Variants in FBLN5 observed in about 807,000 individuals in gnomAD.
FBLN5 encodes the protein fibulin 5, also known as fibulin-5.
A neutral mutation model predicts 61.6 loss-of-function variants in FBLN5; 24 were observed. That is an observed-to-expected ratio of 0.39 (90% CI 0.28 to 0.55). The LOEUF is 0.55. Among genes scored for constraint, FBLN5 ranks in the 20% least tolerant of loss-of-function variants. FBLN5 has a pLI of 0.65. For synonymous variants in FBLN5, 213 were observed against 219.8 expected (o/e 0.97, Z 0.27); for missense variants, 470 against 594.1 (o/e 0.79, Z 2.17).
Position 91,882,972 on chromosome 14 carries a change from C to T in FBLN5, c.844G>A (p.Asp282Asn). 3 of 1,614,040 alleles carry T rather than the reference C, an allele frequency of 1.9e-6. No individual in the cohort carries two copies. Among genetic ancestry groups the T allele is most frequent in the Non-Finnish European group, 2.5e-6 (3 of 1,179,936 alleles). ...GCCTTACCTTGGCAGCTTCGGTTGT[C>T]ATCCAGCAGGATGTAGCCTGGAGGG... ...SCPPGYILLD[D>N]NRSCQDINEC... Residue 282 changes from aspartate to asparagine, a missense_variant, in exon 8 of 11, where the codon GAC becomes AAC. Coordinates refer to ENST00000342058, the MANE Select transcript of FBLN5 (RefSeq NM_006329.4). This position sits in a 1 kb window ranked among gnomAD's most constrained non-coding sequence, Gnocchi z 4.9.
chr14:91,890,037 G>A (rs1359570489), intron 6 of FBLN5, among the ~76,000 whole-genome samples: 2 of 152,130 alleles, frequency 1.3e-5, no homozygotes, highest in East Asian at 1.9e-4. Flanking sequence ...GGAGCCAGGC[G>A]CCCCCTCCTG....
chr14:91,872,619 C>T (rs987462837), intron 10 of FBLN5, among the ~76,000 whole-genome samples: 7 of 152,308 alleles, frequency 4.6e-5, no homozygotes, highest in East Asian at 1.9e-4. Context: ...GCAGGCCAGG[C>T]GCTGGGACCT....
intron 4 of FBLN5, among the ~76,000 whole-genome samples, chr14:91,925,014 T>A (rs547848427): frequency 6.6e-6 from 1 of 152,230 alleles, no homozygotes; most frequent in Non-Finnish European, 1.5e-5. Context: ...CCTCCTCCCA[T>A]GGAAACTGTT....
intron 4 of FBLN5, among the ~76,000 whole-genome samples, chr14:91,911,578 G>T (rs559336654): frequency 6.6e-6 from 1 of 152,328 alleles, no homozygotes; most frequent in South Asian, 2.1e-4. Flanking sequence ...CTGAAAGTCA[G>T]GTTCTAGTCC....
intron 9 of FBLN5, among the ~76,000 whole-genome samples, chr14:91,878,372 A>T (rs758107461): frequency 1.5e-4 from 23 of 152,154 alleles, no homozygotes; most frequent in Non-Finnish European, 2.9e-4. Flanking sequence ...ATATAAAATC[A>T]CTGACTTTTA....
chr14:91,936,818 A>G, intron 4 of FBLN5, 129 bp downstream of exon 4: 1 of 1,108,780 alleles, frequency 9.0e-7, no homozygotes, highest in Admixed American at 1.7e-5. Context: ...ATAAGTATGC[A>G]GAGAGTAAGT....
At chr14:91,930,265 T>C (rs931001974) in intron 4 of FBLN5, among the ~76,000 whole-genome samples, 2 of 152,184 alleles carry the variant, frequency 1.3e-5, no homozygotes, top group Non-Finnish European at 2.9e-5. Context: ...CAGTTGGTAC[T>C]GTTATCCCTG....
chr14:91,873,641 C>T (rs1889039344), intron 10 of FBLN5: 1 of 152,322 alleles, frequency 6.6e-6, no homozygotes, highest in Admixed American at 6.5e-5. Context: ...CAGTGCCTGA[C>T]TTGAAGCCTC....
intron 7 of FBLN5, among the ~76,000 whole-genome samples, chr14:91,883,878 G>A (rs902639973): frequency 2.0e-5 from 3 of 152,156 alleles, no homozygotes; most frequent in South Asian, 2.1e-4. Flanking sequence ...GGGCTATGGC[G>A]GTTGATGCAG....
chr14:91,895,797 CAA>C (rs60216411), intron 4 of FBLN5, among the ~76,000 whole-genome samples: 63 of 63,478 alleles, frequency 9.9e-4, no homozygotes, highest in East Asian at 3.8e-3. Context: ...GACCCTGTCT[CAA>C]AAAAAAAAAA....
intron 5 of FBLN5, among the ~76,000 whole-genome samples, chr14:91,892,030 A>C (rs934491620): frequency 2.0e-5 from 3 of 152,174 alleles, no homozygotes; most frequent in Non-Finnish European, 4.4e-5. Context: ...CATCTCTTCC[A>C]AGCCACAGCT....
rs1405525729 is a variant in FBLN5, at chr14:91,873,461, C to G, written c.1186-3076G>C. On this transcript the variant is annotated intron_variant, in intron 10 of 10. Transcript: ENST00000342058. ...AAATCATGCTTCTAACCACTACACT[C>G]TCTGATAAGGTCTCTGTACCTCTCC... 2.6e-5 allele frequency: 4 copies of G among 152,302 alleles called. No individual in the cohort carries two copies. In the East Asian group the frequency reaches 7.7e-4, roughly 29 times the overall value. The allele number at this position is 152,302 out of a possible 1,614,324, so 9.4% of individuals were successfully genotyped here.
At chr14:91,904,660 C>T (rs761372265) in intron 4 of FBLN5, among the ~76,000 whole-genome samples, 10 of 152,218 alleles carry the variant, frequency 6.6e-5, no homozygotes, top group South Asian at 2.1e-4. Context: ...CCTCACAGGG[C>T]GGAGAGAAAG....
chr14:91,895,121 C>A (rs1279999289), intron 4 of FBLN5, 49 bp from the exon 5 acceptor site: 1 of 1,611,486 alleles, frequency 6.2e-7, no homozygotes, highest in Non-Finnish European at 8.5e-7. Context: ...CCATCTAGAG[C>A]CCTGGAGCCA....
At chr14:91,929,603 A>C (rs1413769502) in intron 4 of FBLN5, among the ~76,000 whole-genome samples, 2 of 152,238 alleles carry the variant, frequency 1.3e-5, no homozygotes, top group African/African-American at 4.8e-5. Context: ...TGCTACCTCA[A>C]TCTAGGCCTT....
In FBLN5 at chr14:91,947,028, G is replaced by T. The variant is rs1469853737; in HGVS notation, c.17+185C>A. On this transcript the variant is annotated intron_variant, in intron 1 of 10. Transcript: ENST00000342058. The surrounding 1 kb of genome is among the most constrained non-coding windows in gnomAD (Gnocchi z 4.3). ...AGAAAATACCCACTCCCAAAAGAAC[G>T]CTTCAAGATGGAAATTACAGAGGCG... 5.9e-6 allele frequency: 9 copies of T among 1,523,772 alleles called. No homozygotes were observed. Among genetic ancestry groups the T allele is most frequent in the South Asian group, 1.3e-5 (1 of 79,540 alleles). The allele number at this position is 1,523,772 out of a possible 1,614,324, so 94.4% of individuals were successfully genotyped here.
At chr14:91,879,562 GC>G (rs1169364072) in intron 9 of FBLN5, among the ~76,000 whole-genome samples, 1 of 77,950 alleles carries the variant, frequency 1.3e-5, no homozygotes, top group African/African-American at 4.1e-5. Context: ...CAGCTCCCCA[GC>G]CACAGACGGG....
intron 4 of FBLN5, among the ~76,000 whole-genome samples, chr14:91,907,629 T>A (rs1341907052): frequency 1.3e-5 from 2 of 151,604 alleles, no homozygotes; most frequent in Non-Finnish European, 2.9e-5. Flanking sequence ...TGGGAGCCCA[T>A]CTATAAAGGC....
At chr14:91,895,663 T>A (rs1890191165) in intron 4 of FBLN5, among the ~76,000 whole-genome samples, 1 of 151,742 alleles carries the variant, frequency 6.6e-6, no homozygotes, top group African/African-American at 2.4e-5. Flanking sequence ...CCGGGCCTGG[T>A]GGCATGCGCC....
Sources: gnomAD v4.1 joint callset for allele counts (sites outside exome capture counted in the v4.1 genomes callset) on GRCh38, gnomAD v4.1.1 for gene constraint, Gnocchi (gnomAD v3.1) non-coding constraint, MANE v1.5 for transcripts, NCBI Gene and HGNC (gene_info 2026-07-23, HGNC 2026-07-21) for gene names.